The following NR1H2 variants were observed in gnomAD, a reference collection of about 807,000 sequenced individuals.
The protein encoded by NR1H2 is oxysterols receptor LXR-beta.
In NR1H2, 33 loss-of-function variants were observed where a neutral mutation model predicts 51.2. The observed-to-expected ratio is 0.64, with a 90% CI of 0.49 to 0.86. The LOEUF (loss-of-function observed/expected upper bound fraction) is 0.86. Among genes scored for constraint, NR1H2 ranks in the 40% least tolerant of loss-of-function variants. The pLI, the probability that NR1H2 is intolerant of heterozygous loss-of-function variation, is 0.00. For synonymous variants in NR1H2, 310 were observed against 264.3 expected (o/e 1.17, Z -1.68); for missense variants, 592 against 639.9 (o/e 0.93, Z 0.81).
At chr19:50,380,554 G>A (rs559843395) in intron 8 of NR1H2, among the ~76,000 whole-genome samples, 6 of 152,246 alleles carry the variant, frequency 3.9e-5, no homozygotes, top group East Asian at 3.9e-4. Context: ...TGTATTTCCC[G>A]ACATCTGTCC....
rs1379806910 is a variant in NR1H2 at position 50,377,750 on chromosome 19, C to G, written c.61C>G (p.Pro21Ala). Residue 21 changes from proline (P) to alanine (A), a missense_variant, in exon 4 of 10, where the codon CCT (proline) becomes GCT (alanine). This residue lies in a region of NR1H2 where 316 missense variants were observed against 313.4 expected (regional missense o/e 1.01). Coordinates refer to ENST00000253727, the MANE Select transcript of NR1H2 (RefSeq NM_007121.7). Reference sequence around the variant, plus strand: ...TCTTCCAGGAAATGGCCCCCCTCAGCCTGGCGCCCCTTCTTCTTCACCCAC... The same window carrying G: ...TCTTCCAGGAAATGGCCCCCCTCAGGCTGGCGCCCCTTCTTCTTCACCCAC... ...TPLPGNGPPQ[P>A]GAPSSSPTVK... 6.2e-7 allele frequency: 1 copy of G among 1,607,522 alleles called. No homozygotes were observed. The highest frequency in any genetic ancestry group is 8.5e-7 in the Non-Finnish European group (1 of 1,176,726).
In NR1H2 at chr19:50,378,731, C is replaced by T; in HGVS notation, c.682C>T (p.Gln228Ter). The T allele has an allele frequency of 6.2e-7, 1 of 1,613,876 alleles. No individual in the cohort carries two copies. The highest frequency in any genetic ancestry group is 8.5e-7 in the Non-Finnish European group (1 of 1,180,026). ...QLTAAQELMI[Q>*]QLVAAQLQCN... ...AACAGCGGCTCAAGAACTAATGATC[C>T]AGCAGTTGGTGGCGGCCCAACTGCA... The change falls in exon 6 of 10, where the codon CAG (glutamine) becomes TAG (stop). Residue 228 changes from glutamine to a stop codon, truncating the protein, a stop_gained. Coordinates refer to ENST00000253727, the MANE Select transcript of NR1H2 (RefSeq NM_007121.7). LOFTEE classifies it high-confidence loss of function.
chr19:50,381,328 C>A (rs141033859), intron 8 of NR1H2, among the ~76,000 whole-genome samples: 1 of 152,358 alleles, frequency 6.6e-6, no homozygotes, highest in East Asian at 1.9e-4. Flanking sequence ...TCCAGCGTCA[C>A]CCAGAGCGCA....
At chr19:50,379,222 C>G (rs1568595111) in intron 7 of NR1H2, 41 bp downstream of exon 7, 1 of 1,568,834 alleles carries the variant, frequency 6.4e-7, no homozygotes, top group Non-Finnish European at 8.7e-7. Context: ...AGAGATAGCT[C>G]CAGGACAGAT....
chr19:50,380,792 G>A (rs936554273), intron 8 of NR1H2, among the ~76,000 whole-genome samples: 4 of 152,110 alleles, frequency 2.6e-5, no homozygotes, highest in African/African-American at 4.8e-5. Flanking sequence ...AGAGGAGGTC[G>A]GGAATCCCAC....
At chr19:50,382,206 A>G in intron 9 of NR1H2, 32 bp downstream of exon 9, 1 of 1,489,956 alleles carries the variant, frequency 6.7e-7, no homozygotes, top group Non-Finnish European at 8.9e-7. Context: ...GCGCAGAGCC[A>G]ACTACGTCCC....
Position 50,382,158 on chromosome 19 carries a change from G to A in NR1H2, c.1220G>A (p.Arg407His), listed in dbSNP as rs1294071211. ...PYVEALLSYT[R>H]IKRPQDQLRF... The stretch of plus-strand genomic sequence containing the variant: ...GTGGAGGCGCTGCTGTCCTACACGC[G>A]CATCAAGAGGCCGCAGGTAGGGCCC... The change falls in exon 9 of 10, where the codon CGC (arginine) becomes CAC (histidine). Residue 407 changes from arginine to histidine, a missense_variant. Coordinates refer to ENST00000253727, the MANE Select transcript of NR1H2 (RefSeq NM_007121.7). The A allele has an allele frequency of 1.5e-5, 23 of 1,532,628 alleles. No homozygotes were observed. The highest frequency in any genetic ancestry group is 2.5e-5 in the East Asian group (1 of 40,790). 94.9% of individuals were successfully genotyped at this position (1,532,628 alleles called of 1,614,324 possible). A position where few individuals can be genotyped will look rare whatever the true frequency, so the allele number is the denominator to read the frequency against.
At chr19:50,379,413 A>T (rs980176434) in intron 7 of NR1H2, among the ~76,000 whole-genome samples, 1 of 152,188 alleles carries the variant, frequency 6.6e-6, no homozygotes, top group Non-Finnish European at 1.5e-5. Flanking sequence ...CAGAGGAGTT[A>T]GCATTTGAAT....
At chr19:50,378,902 T>G (rs2037718014) in intron 6 of NR1H2, 100 bp from the exon 7 acceptor site, 2 of 1,552,692 alleles carry the variant, frequency 1.3e-6, no homozygotes, top group Non-Finnish European at 8.7e-7. Flanking sequence ...GCAGGGGCTT[T>G]GGGAAGAGGA....
At chr19:50,377,698 T>C (rs1568593527) in intron 3 of NR1H2, 35 bp from the exon 4 acceptor site, 14 of 1,603,678 alleles carry the variant, frequency 8.7e-6, no homozygotes, top group African/African-American at 1.3e-5. Flanking sequence ...GAGCAGAAGC[T>C]CACTGTACCT....
rs1017106860 is a variant in NR1H2 at position 50,378,468 on chromosome 19, G to T, written c.472+29G>T. On this transcript the variant is annotated intron_variant, in intron 5 of 9. Coordinates refer to ENST00000253727, the MANE Select transcript of NR1H2 (RefSeq NM_007121.7). ...AGTGCAGCGGGAGGGGGCGGTGCCG[G>T]CCTGGCCCCCCGCCTAGCCCTGGGG... is the stretch of plus-strand genomic sequence containing the variant. The T allele has an allele frequency of 5.1e-6, 8 of 1,575,330 alleles. No homozygotes were observed. The African/African-American group carries it at 6.7e-5, about 13-fold the overall frequency.
intron 8 of NR1H2, among the ~76,000 whole-genome samples, chr19:50,381,711 A>G (rs911604164): frequency 1.3e-5 from 2 of 152,188 alleles, no homozygotes; most frequent in Admixed American, 1.3e-4. Context: ...CCAGGTGGGA[A>G]GGGAGGGTGG....
At position 50,378,432 on chromosome 19, in the gene NR1H2, G is replaced by A. The variant is rs780631086; in HGVS notation, c.465G>A (p.Arg155=). The change falls in exon 5 of 10, where the codon AGG becomes AGA. Residue 155 remains arginine, a synonymous_variant. Transcript: ENST00000253727. The part of the protein sequence containing the change: ...RLRKCKEAGM[R]EQCVLSEEQI... The stretch of plus-strand genomic sequence containing the variant: ...GCAAGTGCAAGGAGGCAGGGATGAG[G>A]GAGCAGTGTGAGTGCAGCGGGAGGG... The A allele has an allele frequency of 2.0e-5, 32 of 1,597,640 alleles. No homozygotes were observed. Among genetic ancestry groups the A allele is most frequent in the Non-Finnish European group, 6.0e-6 (7 of 1,168,784 alleles).
In NR1H2 at chr19:50,376,523, G is replaced by T. The variant is rs1377395744; in HGVS notation, c.-181G>T. On this transcript the variant is annotated 5_prime_UTR_variant, in exon 1 of 10. Coordinates refer to ENST00000253727, the MANE Select transcript of NR1H2 (RefSeq NM_007121.7). The stretch of plus-strand genomic sequence containing the variant: ...CTTTTGAGGGTATTTGAGTAGCGGC[G>T]GTGTGTCAGGGGCTAAAGAGGAGGA... 2 of 152,274 alleles carry T rather than the reference G, an allele frequency of 1.3e-5. No individual in the cohort carries two copies. The highest frequency in any genetic ancestry group is 3.9e-4 in the East Asian group (2 of 5,190). 9.4% of individuals were successfully genotyped at this position (152,274 alleles called of 1,614,324 possible).
intron 8 of NR1H2, among the ~76,000 whole-genome samples, chr19:50,381,089 C>T (rs1357581043): frequency 6.6e-6 from 1 of 152,220 alleles, no homozygotes; most frequent in East Asian, 1.9e-4. Context: ...CTGTTCCAGC[C>T]ACTCTGGCCT....
In NR1H2 at chr19:50,382,553, A is replaced by G. The variant is rs1601146124; in HGVS notation, c.1334A>G (p.Asp445Gly). Reference protein sequence around the residue: ...SEQVFALRLQDKKLPPLLSEI... With the variant: ...SEQVFALRLQGKKLPPLLSEI... ...CAGGTCTTCGCCTTGCGGCTCCAGG[A>G]CAAGAAGCTGCCGCCTCTGCTGTCG... Residue 445 changes from aspartate to glycine, a missense_variant, in exon 10 of 10, where the codon GAC becomes GGC. Physicochemically the swap from Asp to Gly is moderately conservative, Grantham distance 94. Transcript: ENST00000253727. 1.2e-6 allele frequency: 2 copies of G among 1,606,652 alleles called. No individual in the cohort carries two copies. The highest frequency in any genetic ancestry group is 1.7e-6 in the Non-Finnish European group (2 of 1,176,340).
At chr19:50,378,003 C>G (rs965719109) in intron 4 of NR1H2, 133 bp downstream of exon 4, 3 of 1,426,776 alleles carry the variant, frequency 2.1e-6, no homozygotes, top group South Asian at 2.8e-5. Flanking sequence ...ATACATCTTT[C>G]TAAATTGCAA....
rs1350288250 is a variant in NR1H2 at position 50,382,964 on chromosome 19, T to A, written c.*362T>A. The A allele has an allele frequency of 5.5e-6, 1 of 181,804 alleles. No homozygotes were observed. The highest frequency in any genetic ancestry group is 2.4e-5 in the African/African-American group (1 of 42,506). The allele number at this position is 181,804 out of a possible 1,614,324, so 11.3% of individuals were successfully genotyped here. A position where few individuals can be genotyped will look rare whatever the true frequency, so the allele number is the denominator to read the frequency against. On this transcript the variant is annotated 3_prime_UTR_variant, in exon 10 of 10. Coordinates refer to ENST00000253727, the MANE Select transcript of NR1H2 (RefSeq NM_007121.7). ...TTCCTCTTCCTCTGCTTTTATTTAATAAAAACTAAAAACAGAAACAGGAAA... is the reference window on the plus strand; with the variant it reads ...TTCCTCTTCCTCTGCTTTTATTTAAAAAAAACTAAAAACAGAAACAGGAAA...
intron 9 of NR1H2, 58 bp downstream of exon 9, chr19:50,382,232 C>T (rs1052923685): frequency 2.8e-6 from 4 of 1,450,102 alleles, no homozygotes; most frequent in Non-Finnish European, 1.8e-6. Context: ...CCACGTGGTC[C>T]GTTCAGGCTG....
Sources: allele counts gnomAD v4.1 joint callset (sites outside exome capture counted in the v4.1 genomes callset), GRCh38; gene constraint gnomAD v4.1.1; regional missense constraint gnomAD v4.1.1; transcripts MANE v1.5; gene names NCBI Gene and HGNC (gene_info 2026-07-23, HGNC 2026-07-21).